FSTL5: variants seen among roughly 807,000 people sequenced by gnomAD.
FSTL5 encodes the protein follistatin-related protein 5.
In FSTL5, 62 loss-of-function variants were observed where a neutral mutation model predicts 89.1. That is an observed-to-expected ratio of 0.70 (90% CI 0.57 to 0.86). FSTL5 has a LOEUF of 0.86. Ranked by LOEUF, FSTL5 falls within the 40% of genes least tolerant of loss-of-function variation. FSTL5 has a pLI of 0.00. For synonymous variants in FSTL5, 383 were observed against 346.2 expected (o/e 1.11, Z -1.18); for missense variants, 1,057 against 1,001.6 (o/e 1.06, Z -0.75).
chr4:162,047,893 T>G (rs138578302), intron 2 of FSTL5, among the ~76,000 whole-genome samples: 27 of 152,212 alleles, frequency 1.8e-4, no homozygotes, highest in Admixed American at 4.6e-4. Context: ...AGTATGTCCT[T>G]AAAATAAGTA....
chr4:161,559,610 CTTCCTGTAAGCAAATTAA>C (rs1424967174), intron 8 of FSTL5, among the ~76,000 whole-genome samples: 1 of 151,934 alleles, frequency 6.6e-6, no homozygotes, highest in Non-Finnish European at 1.5e-5. Flanking sequence ...ACTTCTCTCT[CTTCCTGTAAGCAAATTAA>C]TTCCTGTAAG....
At chr4:161,690,365 G>T (rs973675327) in intron 6 of FSTL5, among the ~76,000 whole-genome samples, 1 of 152,004 alleles carries the variant, frequency 6.6e-6, no homozygotes, top group African/African-American at 2.4e-5. Context: ...ATCTTGTGAA[G>T]TTGTGCATTA....
chr4:161,865,044 G>C (rs1415914702), intron 4 of FSTL5, among the ~76,000 whole-genome samples: 1 of 151,920 alleles, frequency 6.6e-6, no homozygotes, highest in African/African-American at 2.4e-5. Context: ...TAGAAAAGCA[G>C]AGTGATAAAA....
rs1434994514 is a variant in FSTL5 at position 161,779,774 on chromosome 4, T to C, written c.410-3700A>G. On this transcript the variant is annotated intron_variant, in intron 4 of 15. Coordinates refer to ENST00000306100, the MANE Select transcript of FSTL5 (RefSeq NM_020116.5). ...ATTTGTAAAGTTATATATATATATA[T>C]GTATATATATATATATATATATATA... 2.8e-3 allele frequency among the ~76,000 whole-genome samples: 49 copies of C among 17,352 alleles called. 4 individuals carry two copies. Among genetic ancestry groups the C allele is most frequent in the Non-Finnish European group, 6.1e-3 (42 of 6,870 alleles). 11.4% of individuals were successfully genotyped at this position (17,352 alleles called of 152,430 possible).
chr4:162,070,415 A>C (rs1729567668), intron 2 of FSTL5, among the ~76,000 whole-genome samples: 1 of 151,828 alleles, frequency 6.6e-6, no homozygotes, highest in South Asian at 2.1e-4. Context: ...TTACTCATAA[A>C]ATCTTCACAC....
chr4:161,446,155 A>G (rs2126379536), intron 15 of FSTL5, among the ~76,000 whole-genome samples: 1 of 152,170 alleles, frequency 6.6e-6, no homozygotes. Flanking sequence ...TTGTGAAGAT[A>G]GAGCATATCA....
intron 3 of FSTL5, among the ~76,000 whole-genome samples, chr4:161,937,114 A>G (rs1734454629): frequency 1.3e-5 from 2 of 152,194 alleles, no homozygotes; most frequent in Non-Finnish European, 2.9e-5. Context: ...AAACAATGTG[A>G]AATGAGTCAA....
intron 7 of FSTL5, among the ~76,000 whole-genome samples, chr4:161,638,288 T>A (rs960397005): frequency 8.6e-5 from 13 of 151,736 alleles, no homozygotes; most frequent in Non-Finnish European, 1.8e-4. Flanking sequence ...TGTATAAGAA[T>A]GCTTGTGATT....
In FSTL5 at chr4:161,554,358, T is replaced by A. The variant is rs1182906655; in HGVS notation, c.1016-11665A>T. Among the ~76,000 whole-genome samples, 2 of 151,598 alleles carry A rather than the reference T, an allele frequency of 1.3e-5. 1 individual carries two copies. The highest frequency in any genetic ancestry group is 4.8e-5 in the African/African-American group (2 of 41,384). On this transcript the variant is annotated intron_variant, in intron 8 of 15. Transcript: ENST00000306100. ...ATCTAATAGAATTTATTTAATGTAA[T>A]GATGCTTCTAATCCAATATTAGAAA...
intron 4 of FSTL5, among the ~76,000 whole-genome samples, chr4:161,858,421 T>C (rs1289456276): frequency 6.6e-6 from 1 of 152,180 alleles, no homozygotes; most frequent in Admixed American, 6.5e-5. Context: ...GAGAGCCCTT[T>C]CTATACCTAG....
intron 3 of FSTL5, among the ~76,000 whole-genome samples, chr4:162,009,166 T>C (rs1736692373): frequency 6.6e-6 from 1 of 152,060 alleles, no homozygotes; most frequent in African/African-American, 2.4e-5. Flanking sequence ...TGTCCACCTT[T>C]TAGGATAAAG....
At chr4:161,737,748 T>G (rs7660563) in intron 6 of FSTL5, among the ~76,000 whole-genome samples, 85,265 of 151,590 alleles carry the variant, frequency 0.56, 27,005 homozygotes, top group Non-Finnish European at 0.71. Flanking sequence ...CCTTATGTTG[T>G]ATAACTTCCA....
At chr4:162,038,947 T>C (rs555570606) in intron 2 of FSTL5, among the ~76,000 whole-genome samples, 45 of 151,904 alleles carry the variant, frequency 3.0e-4, no homozygotes, top group African/African-American at 1.1e-3. Context: ...TTAAACTATT[T>C]TAAGGGAGAG....
Position 161,538,273 on chromosome 4 carries a change from T to C in FSTL5, c.1205A>G (p.Asn402Ser). 2 of 1,614,010 alleles carry C rather than the reference T, an allele frequency of 1.2e-6. No individual in the cohort carries two copies. The highest frequency in any genetic ancestry group is 1.3e-5 in the African/African-American group (1 of 75,030). Reference protein sequence around the residue: ...QANGSEVHISNVRYEDTGAYT... With the variant: ...QANGSEVHISSVRYEDTGAYT... ...TGCTCCAGTATCTTCATAGCGCACATTGCTTATGTGAACCTCACTGCCATT... is the reference window on the plus strand; with the variant it reads ...TGCTCCAGTATCTTCATAGCGCACACTGCTTATGTGAACCTCACTGCCATT... Residue 402 changes from asparagine to serine, a missense_variant, in exon 10 of 16, where the codon AAT becomes AGT. Coordinates refer to ENST00000306100, the MANE Select transcript of FSTL5 (RefSeq NM_020116.5).
chr4:161,707,322 A>T (rs769010543), intron 6 of FSTL5, among the ~76,000 whole-genome samples: 19 of 151,890 alleles, frequency 1.3e-4, no homozygotes, highest in African/African-American at 2.4e-5. Flanking sequence ...CAAGATATGC[A>T]CTATTGAGAA....
At chr4:161,690,100 G>C (rs866534980) in intron 6 of FSTL5, among the ~76,000 whole-genome samples, 3 of 152,066 alleles carry the variant, frequency 2.0e-5, no homozygotes, top group African/African-American at 2.4e-5. Flanking sequence ...ACATAAACAA[G>C]TATTTACTTG....
chr4:161,701,321 C>T (rs1579032590), intron 6 of FSTL5, among the ~76,000 whole-genome samples: 1 of 152,142 alleles, frequency 6.6e-6, no homozygotes, highest in Admixed American at 6.6e-5. Context: ...AATGGCTTCA[C>T]TTTCATTCAT....
At chr4:161,714,988 A>T (rs917995810) in intron 6 of FSTL5, among the ~76,000 whole-genome samples, 3 of 152,164 alleles carry the variant, frequency 2.0e-5, no homozygotes, top group Non-Finnish European at 2.9e-5. Context: ...AATTTAGAGC[A>T]GGACTATTTT....
At chr4:161,887,431 T>TATCTATC (rs1560900206) in intron 4 of FSTL5, among the ~76,000 whole-genome samples, 129 of 141,000 alleles carry the variant, frequency 9.1e-4, no homozygotes, top group African/African-American at 3.3e-3. Flanking sequence ...ATCTATCATC[T>TATCTATC]ATCTACCTAT....
Sources: gnomAD v4.1 joint callset for allele counts (sites outside exome capture counted in the v4.1 genomes callset) on GRCh38, gnomAD v4.1.1 for gene constraint, MANE v1.5 for transcripts, NCBI Gene and HGNC (gene_info 2026-07-23, HGNC 2026-07-21) for gene names.